Variants in SCN3A observed in about 807,000 individuals in gnomAD.
The protein encoded by SCN3A is sodium voltage-gated channel alpha subunit 3, also known as sodium channel protein type 3 subunit alpha.
SCN3A carries 60 observed loss-of-function variants against 187.6 expected under a neutral mutation model. The observed-to-expected ratio is 0.32, with a 90% CI of 0.26 to 0.40. The LOEUF is 0.40. Among genes scored for constraint, SCN3A ranks in the 10% least tolerant of loss-of-function variants. SCN3A has a pLI of 1.00. For synonymous variants in SCN3A, 788 were observed against 829.2 expected (o/e 0.95, Z 0.85); for missense variants, 1,601 against 2,428.2 (o/e 0.66, Z 7.16).
At chr2:165,158,365 G>C (rs150906984) in intron 9 of SCN3A, among the ~76,000 whole-genome samples, 1 of 136,766 alleles carries the variant, frequency 7.3e-6, no homozygotes, top group Non-Finnish European at 1.5e-5. Context: ...ATATATTTTT[G>C]TCACATATTC....
At chr2:165,200,014 A>G (rs1473468534) in intron 1 of SCN3A, among the ~76,000 whole-genome samples, 1 of 152,122 alleles carries the variant, frequency 6.6e-6, no homozygotes, top group African/African-American at 2.4e-5. Context: ...CAAATTTTCT[A>G]ACTACCTCAA....
chr2:165,147,457 C>T (rs1409329818), intron 11 of SCN3A, among the ~76,000 whole-genome samples: 4 of 152,040 alleles, frequency 2.6e-5, no homozygotes, highest in Non-Finnish European at 5.9e-5. Context: ...CCCTCTAAAT[C>T]CAGTACAAAA....
chr2:165,180,996 A>C (rs976949342), intron 2 of SCN3A, among the ~76,000 whole-genome samples: 1 of 152,208 alleles, frequency 6.6e-6, no homozygotes, highest in Non-Finnish European at 1.5e-5. Context: ...TTATTAACTA[A>C]TAATAAGCAC....
At chr2:165,134,982 T>C (rs1687578240) in intron 15 of SCN3A, among the ~76,000 whole-genome samples, 2 of 152,076 alleles carry the variant, frequency 1.3e-5, no homozygotes, top group Admixed American at 1.3e-4. Flanking sequence ...AAACTTTTCA[T>C]TAAAAATAAT....
chr2:165,118,076 T>A (rs1686460178), intron 18 of SCN3A, among the ~76,000 whole-genome samples: 1 of 152,190 alleles, frequency 6.6e-6, no homozygotes, highest in Non-Finnish European at 1.5e-5. Context: ...CTGGTTGTAT[T>A]TTTTTGTTAT....
intron 5 of SCN3A, among the ~76,000 whole-genome samples, chr2:165,165,230 T>G (rs1689679234): frequency 6.6e-6 from 1 of 151,892 alleles, no homozygotes; most frequent in South Asian, 2.1e-4. Context: ...CTCTCTGCCC[T>G]CCTTCCTCCC....
intron 18 of SCN3A, among the ~76,000 whole-genome samples, chr2:165,118,443 G>T (rs1020661223): frequency 1.3e-5 from 2 of 152,174 alleles, no homozygotes; most frequent in African/African-American, 4.8e-5. Context: ...AAGCTCCCAG[G>T]ACTCTTATGA....
intron 9 of SCN3A, among the ~76,000 whole-genome samples, chr2:165,158,001 T>C (rs913704913): frequency 6.6e-6 from 1 of 152,158 alleles, no homozygotes; most frequent in Non-Finnish European, 1.5e-5. Flanking sequence ...GCCGCAGTCC[T>C]AGAATCAACC....
At chr2:165,130,435 C>A in intron 16 of SCN3A, 139 bp from the exon 17 acceptor site, 2 of 852,532 alleles carry the variant, frequency 2.3e-6, no homozygotes, top group South Asian at 1.6e-5. Context: ...AATTTCAAAT[C>A]CAGAAAAAAT....
intron 15 of SCN3A, among the ~76,000 whole-genome samples, chr2:165,136,593 G>T (rs1429956325): frequency 1.3e-5 from 2 of 152,146 alleles, no homozygotes; most frequent in Non-Finnish European, 2.9e-5. Flanking sequence ...GGCAACTAAG[G>T]TCAAACTCAA....
At chr2:165,201,873 G>T (rs1692343410) in intron 1 of SCN3A, among the ~76,000 whole-genome samples, 1 of 151,952 alleles carries the variant, frequency 6.6e-6, no homozygotes, top group East Asian at 1.9e-4. Flanking sequence ...AAATAAATGA[G>T]GATCAGAAAA....
chr2:165,133,077 A>G lies in SCN3A; in HGVS notation c.2392-1660T>C, dbSNP rs573052094. On this transcript the variant is annotated intron_variant, in intron 15 of 27. Transcript: ENST00000283254. ...CAGAGAAATGCAAATCAAAACCACA[A>G]TGAGATACCATCTCACACCAGTTAG... Among the ~76,000 whole-genome samples the G allele has an allele frequency of 5.3e-5, 8 of 152,326 alleles. No individual in the cohort carries two copies. The South Asian group carries it at 1.2e-3, about 24-fold the overall frequency.
chr2:165,188,054 A>G (rs1691349927), intron 1 of SCN3A, among the ~76,000 whole-genome samples: 1 of 152,162 alleles, frequency 6.6e-6, no homozygotes, highest in Non-Finnish European at 1.5e-5. Flanking sequence ...ATTTCAATAC[A>G]TTTTTAAAAT....
intron 18 of SCN3A, among the ~76,000 whole-genome samples, chr2:165,126,217 G>C (rs764254766): frequency 2.0e-5 from 3 of 152,154 alleles, no homozygotes; most frequent in Non-Finnish European, 4.4e-5. Context: ...ATCTGTGCTA[G>C]ACTTACTTTG....
intron 14 of SCN3A, 87 bp from the exon 15 acceptor site, chr2:165,138,204 T>C: frequency 2.1e-6 from 2 of 940,756 alleles, no homozygotes; most frequent in Non-Finnish European, 3.5e-6. Flanking sequence ...TTAACAAAAT[T>C]GATGCTTATA....
chr2:165,142,712 A>C lies in SCN3A; in HGVS notation c.1672-1714T>G, dbSNP rs530794613. Among the ~76,000 whole-genome samples the C allele has an allele frequency of 9.6e-5, 14 of 145,314 alleles. No individual in the cohort carries two copies. The South Asian group carries it at 3.1e-3, about 32-fold the overall frequency. ...AAATGATCAATATAATAACAGTTAT[A>C]TCCAGAACTCGTGTTGTTGTTGTTG... On this transcript the variant is annotated intron_variant, in intron 12 of 27. Transcript: ENST00000283254.
rs903603938 is a variant in SCN3A at position 165,105,995 on chromosome 2, T to C, written c.3844-5571A>G. ...ATTTATTGGTCTTTAACTTTATACATGATTAGAAAATTCACAATGCTCACA... is the reference window on the plus strand; with the variant it reads ...ATTTATTGGTCTTTAACTTTATACACGATTAGAAAATTCACAATGCTCACA... On this transcript the variant is annotated intron_variant, in intron 21 of 27. Transcript: ENST00000283254. Among the ~76,000 whole-genome samples, 5 of 152,340 alleles carry C rather than the reference T, an allele frequency of 3.3e-5. No individual in the cohort carries two copies. In the East Asian group the frequency reaches 9.6e-4, roughly 29 times the overall value.
At position 165,097,257 on chromosome 2, in the gene SCN3A, G is replaced by C. The variant is rs1553518226; in HGVS notation, c.4234C>G (p.Gln1412Glu). The C allele has an allele frequency of 6.2e-7, 1 of 1,613,864 alleles. No individual in the cohort carries two copies. Among genetic ancestry groups the C allele is most frequent in the East Asian group, 2.2e-5 (1 of 44,876 alleles). ...NVGAGYLALL[Q>E]VATFKGWMDI... ...CTCGTACAGTAGCCACTTACCACTT[G>C]AAGCAGTGCAAGATAGCCAGCGCCA... Residue 1412 changes from glutamine (Q) to glutamate (E), a missense_variant, in exon 23 of 28, where the codon CAA becomes GAA. By Grantham distance (29) the Gln-to-Glu change is conservative. Around this residue, in one of 11 missense-constraint regions of SCN3A, gnomAD observed 320 missense variants for 623.2 expected, o/e 0.51. Coordinates refer to ENST00000283254, the MANE Select transcript of SCN3A (RefSeq NM_006922.4).
intron 5 of SCN3A, among the ~76,000 whole-genome samples, chr2:165,167,319 G>A (rs903157502): frequency 1.3e-5 from 2 of 151,990 alleles, no homozygotes; most frequent in Non-Finnish European, 2.9e-5. Context: ...CCTCAATATG[G>A]GAGCTGGATT....
Sources: allele counts gnomAD v4.1 joint callset (sites outside exome capture counted in the v4.1 genomes callset), GRCh38; gene constraint gnomAD v4.1.1; regional missense constraint gnomAD v4.1.1; transcripts MANE v1.5; gene names NCBI Gene and HGNC (gene_info 2026-07-23, HGNC 2026-07-21).